KIF26B: variants seen among roughly 807,000 people sequenced by gnomAD.
KIF26B encodes kinesin-like protein KIF26B.
A neutral mutation model predicts 151.2 loss-of-function variants in KIF26B; 63 were observed. The ratio of observed to expected loss-of-function variants is 0.42; its 90% CI spans 0.34 to 0.51. KIF26B has a LOEUF of 0.51. Ranked by LOEUF, KIF26B falls within the 20% of genes least tolerant of loss-of-function variation. The pLI is 0.07. For synonymous variants in KIF26B, 1,357 were observed against 1,262.1 expected, an observed-to-expected ratio of 1.08 and a Z score of -1.59; for missense variants, 2,813 against 2,913.6, an observed-to-expected ratio of 0.97 and a Z score of 0.79.
intron 2 of KIF26B, among the ~76,000 whole-genome samples, chr1:245,180,544 A>T (rs927605230): frequency 1.3e-5 from 2 of 152,184 alleles, no homozygotes; most frequent in African/African-American, 4.8e-5. Flanking sequence ...GCTAGCTATC[A>T]TCTCCAGTTT....
At chr1:245,317,620 G>A (rs549849726) in intron 2 of KIF26B, among the ~76,000 whole-genome samples, 11 of 152,312 alleles carry the variant, frequency 7.2e-5, no homozygotes, top group Non-Finnish European at 1.3e-4. Flanking sequence ...TGGCTTGGCC[G>A]CCAAAGAGAA....
At chr1:245,455,195 G>A (rs184276675) in intron 4 of KIF26B, among the ~76,000 whole-genome samples, 18 of 152,114 alleles carry the variant, frequency 1.2e-4, no homozygotes, top group East Asian at 1.2e-3. Flanking sequence ...ACCCCTAAGC[G>A]TCTATCACTT....
intron 2 of KIF26B, among the ~76,000 whole-genome samples, chr1:245,274,843 A>T (rs1670912439): frequency 6.6e-6 from 1 of 151,940 alleles, no homozygotes; most frequent in African/African-American, 2.4e-5. Context: ...TATACCCAGT[A>T]AGGGGATTGC....
chr1:245,449,292 T>C (rs1390325383), intron 4 of KIF26B, among the ~76,000 whole-genome samples: 1 of 152,144 alleles, frequency 6.6e-6, no homozygotes, highest in Non-Finnish European at 1.5e-5. Context: ...AACCAGGGCA[T>C]TTCTAAAAAC....
chr1:245,182,598 A>C (rs1417168340), intron 2 of KIF26B, among the ~76,000 whole-genome samples: 1 of 152,090 alleles, frequency 6.6e-6, no homozygotes, highest in Non-Finnish European at 1.5e-5. Flanking sequence ...CTAGGTGTGG[A>C]ATTGGTAGTT....
chr1:245,196,106 A>AT (rs1467048687), intron 2 of KIF26B, among the ~76,000 whole-genome samples: 3 of 152,200 alleles, frequency 2.0e-5, no homozygotes, highest in Non-Finnish European at 4.4e-5. Context: ...CTTATATATT[A>AT]TGGTGACAGA....
chr1:245,186,462 A>G (rs1379729953), intron 2 of KIF26B, among the ~76,000 whole-genome samples: 3 of 152,376 alleles, frequency 2.0e-5, no homozygotes, highest in Non-Finnish European at 1.5e-5. Context: ...CCTGGGATAC[A>G]ATAAGCTCCC....
chr1:245,436,890 CTT>C (rs539810099), intron 4 of KIF26B, among the ~76,000 whole-genome samples: 2,331 of 122,276 alleles, frequency 0.019, 20 homozygotes, highest in South Asian at 0.039. Flanking sequence ...TTCTCCCTCT[CTT>C]TTTTTTTTTT....
At chr1:245,437,522 C>T (rs1054973873) in intron 4 of KIF26B, among the ~76,000 whole-genome samples, 1 of 152,180 alleles carries the variant, frequency 6.6e-6, no homozygotes, top group Non-Finnish European at 1.5e-5. Flanking sequence ...TATTACTTTG[C>T]ATGTTCTTTA....
intron 3 of KIF26B, among the ~76,000 whole-genome samples, chr1:245,377,959 AC>A (rs1673317177): frequency 1.3e-5 from 2 of 152,214 alleles, no homozygotes. Context: ...TCAACGATCA[AC>A]CTGTATGCGT....
intron 2 of KIF26B, among the ~76,000 whole-genome samples, chr1:245,191,801 A>G (rs1669115900): frequency 6.6e-6 from 1 of 152,198 alleles, no homozygotes; most frequent in African/African-American, 2.4e-5. Flanking sequence ...GACTTTGCAA[A>G]AGGGGAAACA....
At chr1:245,643,536 A>T (rs563557498) in intron 9 of KIF26B, among the ~76,000 whole-genome samples, 1 of 152,134 alleles carries the variant, frequency 6.6e-6, no homozygotes, top group Admixed American at 6.5e-5. Context: ...CAAACATTTT[A>T]ATTTTACATA....
Position 245,498,418 on chromosome 1 carries a change from A to G in KIF26B, c.1167-42349A>G, listed in dbSNP as rs80345456. ...CTTCACTGGAGAGGCAGCTGGGTTA[A>G]GGAAGAACATGCTGAAAATAGAGCT... On this transcript the variant is annotated intron_variant, in intron 4 of 14. Transcript: ENST00000407071. Among the ~76,000 whole-genome samples the G allele has an allele frequency of 9.1e-3, 1,392 of 152,250 alleles. 25 individuals are homozygous for G. The highest frequency in any genetic ancestry group is 0.032 in the African/African-American group (1,343 of 41,544).
chr1:245,426,913 A>C (rs563405135), intron 4 of KIF26B, among the ~76,000 whole-genome samples: 1 of 152,186 alleles, frequency 6.6e-6, no homozygotes, highest in South Asian at 2.1e-4. Flanking sequence ...AATGCTTTTC[A>C]TATATGATCT....
In KIF26B at chr1:245,687,254, G is replaced by T. The variant is rs1048801279; in HGVS notation, c.4271G>T (p.Arg1424Leu). 6 of 1,612,116 alleles carry T rather than the reference G, an allele frequency of 3.7e-6. No individual in the cohort carries two copies. The highest frequency in any genetic ancestry group is 5.1e-6 in the Non-Finnish European group (6 of 1,179,478). The change falls in exon 12 of 15, where the codon CGG becomes CTG. Residue 1424 changes from arginine to leucine, a missense_variant. Around this residue, in one of 3 missense-constraint regions of KIF26B, gnomAD observed 2,060 missense variants for 2,088.6 expected, o/e 0.99. Transcript: ENST00000407071. The surrounding 1 kb of genome is among the most constrained non-coding windows in gnomAD (Gnocchi z 4.9). The part of the protein sequence containing the change: ...PKAGPTLAQS[R>L]ESKENSAKKE... ...GCAGGCCCCACATTAGCCCAGTCCC[G>T]GGAGAGTAAGGAAAACAGTGCAAAG...
At chr1:245,486,729 G>A (rs967611965) in intron 4 of KIF26B, among the ~76,000 whole-genome samples, 2 of 152,090 alleles carry the variant, frequency 1.3e-5, no homozygotes, top group Admixed American at 1.3e-4. Flanking sequence ...GAGTGTAGTA[G>A]CAACAATCAC....
At chr1:245,224,891 C>T (rs892826886) in intron 2 of KIF26B, among the ~76,000 whole-genome samples, 2 of 152,204 alleles carry the variant, frequency 1.3e-5, no homozygotes, top group African/African-American at 4.8e-5. Flanking sequence ...GAAACTACCA[C>T]TTTTAAAGTT....
intron 4 of KIF26B, among the ~76,000 whole-genome samples, chr1:245,526,862 A>C (rs1449156856): frequency 6.6e-6 from 1 of 152,260 alleles, no homozygotes; most frequent in Non-Finnish European, 1.5e-5. Context: ...AAGTGAAAAT[A>C]AAGCTCTACT....
At chr1:245,201,432 G>A (rs57508496) in intron 2 of KIF26B, among the ~76,000 whole-genome samples, 1 of 152,180 alleles carries the variant, frequency 6.6e-6, no homozygotes, top group Admixed American at 6.5e-5. Flanking sequence ...TGAATGCTTA[G>A]TATTTTTAGA....
Sources: gnomAD v4.1 joint callset for allele counts (sites outside exome capture counted in the v4.1 genomes callset) on GRCh38, gnomAD v4.1.1 for gene constraint, gnomAD v4.1.1 regional missense constraint, Gnocchi (gnomAD v3.1) non-coding constraint, MANE v1.5 for transcripts, NCBI Gene and HGNC (gene_info 2026-07-23, HGNC 2026-07-21) for gene names.